Variants in NRXN1 observed in about 807,000 individuals in gnomAD.
The protein encoded by NRXN1 is neurexin-1.
Under a neutral mutation model 150.9 loss-of-function variants are expected in NRXN1, and 39 were observed. That is an observed-to-expected ratio of 0.26 (90% confidence interval 0.20 to 0.34). NRXN1 has a LOEUF of 0.34. Ranked by LOEUF, NRXN1 falls within the 10% of genes least tolerant of loss-of-function variation. NRXN1 has a pLI of 1.00. For synonymous variants in NRXN1, 924 were observed against 757.0 expected, an observed-to-expected ratio of 1.22 and a Z score of -3.62; for missense variants, 1,815 against 1,949.9, an observed-to-expected ratio of 0.93 and a Z score of 1.30.
chr2:50,059,983 C>T (rs753475808), intron 19 of NRXN1, among the ~76,000 whole-genome samples: 5 of 152,088 alleles, frequency 3.3e-5, no homozygotes, highest in Non-Finnish European at 5.9e-5. Context: ...GAGTGGGAGC[C>T]CCCACACAGA....
chr2:50,920,808 A>T (rs1306423286), intron 5 of NRXN1, among the ~76,000 whole-genome samples: 1 of 151,792 alleles, frequency 6.6e-6, no homozygotes, highest in Non-Finnish European at 1.5e-5. Context: ...AACTGTGATA[A>T]CCTATGTTGT....
intron 8 of NRXN1, among the ~76,000 whole-genome samples, chr2:50,576,216 A>T (rs1026935451): frequency 6.6e-6 from 1 of 152,164 alleles, no homozygotes; most frequent in Non-Finnish European, 1.5e-5. Flanking sequence ...CTACAAATAG[A>T]TCAGAAAAAA....
intron 5 of NRXN1, among the ~76,000 whole-genome samples, chr2:50,892,758 CAT>C (rs1681270421): frequency 6.6e-6 from 1 of 152,138 alleles, no homozygotes; most frequent in Admixed American, 6.5e-5. Flanking sequence ...TTATTCATAA[CAT>C]ATGTATGTAA....
chr2:50,642,872 C>G (rs547259440), intron 5 of NRXN1, among the ~76,000 whole-genome samples: 1 of 151,918 alleles, frequency 6.6e-6, no homozygotes, highest in South Asian at 2.1e-4. Flanking sequence ...GGAGGAAAAG[C>G]CTTCTTCTAA....
intron 18 of NRXN1, among the ~76,000 whole-genome samples, chr2:50,206,423 G>A (rs532656926): frequency 2.0e-5 from 3 of 151,862 alleles, no homozygotes; most frequent in South Asian, 4.2e-4. Context: ...AGATCTCAGA[G>A]GACATTTTTT....
intron 17 of NRXN1, among the ~76,000 whole-genome samples, chr2:50,345,818 A>G (rs2077913006): frequency 6.6e-6 from 1 of 152,212 alleles, no homozygotes; most frequent in African/African-American, 2.4e-5. Flanking sequence ...GGCTTAGCCC[A>G]GCCAGCATTG....
intron 12 of NRXN1, among the ~76,000 whole-genome samples, chr2:50,528,135 A>G (rs1360739997): frequency 6.6e-6 from 1 of 152,182 alleles, no homozygotes; most frequent in East Asian, 1.9e-4. Flanking sequence ...CATCATATAA[A>G]CATTCTTAAT....
intron 22 of NRXN1, among the ~76,000 whole-genome samples, chr2:49,940,435 T>G (rs369292760): frequency 6.6e-6 from 1 of 152,204 alleles, no homozygotes; most frequent in African/African-American, 2.4e-5. Context: ...TATTGTTATA[T>G]TATTTTATGT....
rs1246162676 is a variant in NRXN1, at chr2:50,921,133, T to A, written c.832+736A>T. 2.6e-5 allele frequency among the ~76,000 whole-genome samples: 4 copies of A among 151,928 alleles called. No individual in the cohort carries two copies. In the East Asian group the frequency reaches 7.8e-4, roughly 30 times the overall value. Reference sequence around the variant, plus strand: ...AATGGTTGATTTAAAGACTATTCTATATGTTTGCCACAGCTGCATACCACT... The same window carrying A: ...AATGGTTGATTTAAAGACTATTCTAAATGTTTGCCACAGCTGCATACCACT... On this transcript the variant is annotated intron_variant, in intron 5 of 22. Coordinates refer to ENST00000401669, the MANE Select transcript of NRXN1 (RefSeq NM_001330078.2).
chr2:50,314,312 A>T lies in NRXN1; in HGVS notation c.3365-77342T>A, dbSNP rs146120247. On this transcript the variant is annotated intron_variant, in intron 17 of 22. Transcript: ENST00000401669. Reference sequence around the variant, plus strand: ...TATGATTTCTTTCAGAGGGGGAAAAATGAAGAGAGTCCTGCCACTTTAAAA... The same window carrying T: ...TATGATTTCTTTCAGAGGGGGAAAATTGAAGAGAGTCCTGCCACTTTAAAA... Among the ~76,000 whole-genome samples the T allele has an allele frequency of 3.1e-3, 472 of 152,104 alleles. 2 individuals carry two copies. Among genetic ancestry groups the T allele is most frequent in the African/African-American group, 0.011 (447 of 41,526 alleles).
At chr2:50,510,022 G>A (rs1214760996) in intron 12 of NRXN1, among the ~76,000 whole-genome samples, 1 of 152,064 alleles carries the variant, frequency 6.6e-6, no homozygotes, top group Non-Finnish European at 1.5e-5. Flanking sequence ...CAGCCAGGAA[G>A]AAGGCCCTCA....
chr2:49,924,054 A>G (rs1327094340), intron 22 of NRXN1, among the ~76,000 whole-genome samples: 2 of 152,338 alleles, frequency 1.3e-5, no homozygotes, highest in East Asian at 3.9e-4. Context: ...TCACTACCTG[A>G]CAAACCAAAG....
In NRXN1 at chr2:50,504,140, TA is replaced by T. The variant is rs70948715; in HGVS notation, c.2497+2354del. 5.8e-3 allele frequency among the ~76,000 whole-genome samples: 650 copies of T among 112,424 alleles called. 9 individuals are homozygous for T. The highest frequency in any genetic ancestry group is 0.019 in the African/African-American group (511 of 27,176). The allele number at this position is 112,424 out of a possible 152,430, so 73.8% of individuals were successfully genotyped here. A position where few individuals can be genotyped will look rare whatever the true frequency, so the allele number is the denominator to read the frequency against. On this transcript the variant is annotated intron_variant, in intron 13 of 22. Coordinates refer to ENST00000401669, the MANE Select transcript of NRXN1 (RefSeq NM_001330078.2). ...AAGGAGGCTAAAGAAACATGACAACTAAAAAAAAAAAAAAAAAAAAATAGCT... is the reference window on the plus strand; with the variant it reads ...AAGGAGGCTAAAGAAACATGACAACTAAAAAAAAAAAAAAAAAAAATAGCT...
chr2:50,767,498 T>G (rs1436144551), intron 5 of NRXN1, among the ~76,000 whole-genome samples: 1 of 152,056 alleles, frequency 6.6e-6, no homozygotes, highest in Non-Finnish European at 1.5e-5. Flanking sequence ...GAAAGGAACT[T>G]GTATCAGACA....
intron 17 of NRXN1, among the ~76,000 whole-genome samples, chr2:50,441,771 G>A (rs945258396): frequency 4.6e-5 from 7 of 151,840 alleles, no homozygotes; most frequent in African/African-American, 7.3e-5. Flanking sequence ...TAAAAATATC[G>A]AAAAAATAAA....
intron 21 of NRXN1, among the ~76,000 whole-genome samples, chr2:50,026,107 C>G (rs1229882300): frequency 6.6e-6 from 1 of 152,120 alleles, no homozygotes; most frequent in African/African-American, 2.4e-5. Context: ...ATACATCATC[C>G]AAGAAGCAGG....
intron 17 of NRXN1, among the ~76,000 whole-genome samples, chr2:50,431,117 C>A (rs1257513936): frequency 6.6e-6 from 1 of 152,170 alleles, no homozygotes; most frequent in Non-Finnish European, 1.5e-5. Flanking sequence ...CCCCTTTCTA[C>A]CTGATCTGAT....
chr2:50,202,892 T>C (rs891783382), intron 18 of NRXN1, among the ~76,000 whole-genome samples: 5 of 152,078 alleles, frequency 3.3e-5, no homozygotes, highest in African/African-American at 1.2e-4. Flanking sequence ...AATAACTCTA[T>C]AGCAACATTC....
intron 15 of NRXN1, among the ~76,000 whole-genome samples, chr2:50,487,335 G>A (rs917781392): frequency 6.6e-6 from 1 of 151,938 alleles, no homozygotes; most frequent in East Asian, 1.9e-4. Flanking sequence ...TTGTCCTTAC[G>A]AACAACCAAA....
Sources: allele counts gnomAD v4.1 joint callset (sites outside exome capture counted in the v4.1 genomes callset), GRCh38; gene constraint gnomAD v4.1.1; transcripts MANE v1.5; gene names NCBI Gene and HGNC (gene_info 2026-07-23, HGNC 2026-07-21).